The following ADGRF3 variants were observed in gnomAD, a reference collection of about 807,000 sequenced individuals.
The protein encoded by ADGRF3 is G protein-coupled receptor 113.
A neutral mutation model predicts 93.2 loss-of-function variants in ADGRF3; 85 were observed. The observed-to-expected ratio is 0.91, with a 90% CI of 0.77 to 1.09. The LOEUF (loss-of-function observed/expected upper bound fraction) is 1.09. Ranked by LOEUF, ADGRF3 falls within the 50% of genes least tolerant of loss-of-function variation. The probability of loss-of-function intolerance (pLI) is 0.00; values close to 1 mark genes in which losing one functional copy is unlikely to be tolerated. For synonymous variants in ADGRF3, 534 were observed against 532.5 expected (o/e 1.00, Z -0.04); for missense variants, 1,125 against 1,246.2 (o/e 0.90, Z 1.46).
chr2:26,316,337 TG>T lies in ADGRF3; in HGVS notation c.436del (p.Gln146SerfsTer28). ...GCTGAAGACAAGGCAGCCACAAGGC[TG>T]GTGGTTGTGGAGGCTTTGACAAGGA... ...YPPCQSLHNH[Q>X]PCGCLVFSHP... is the part of the protein sequence containing the mutation. On this transcript the variant is annotated frameshift_variant, in exon 4 of 14. Coordinates refer to ENST00000651242, the MANE Select transcript of ADGRF3 (RefSeq NM_001321971.2). LOFTEE classifies it high-confidence loss of function. The T allele has an allele frequency of 6.4e-7, 1 of 1,551,954 alleles. No homozygotes were observed. Among genetic ancestry groups the T allele is most frequent in the East Asian group, 2.4e-5 (1 of 40,934 alleles).
In ADGRF3 at chr2:26,313,505, C is replaced by T. The variant is rs1674377774; in HGVS notation, c.1141G>A (p.Ala381Thr). 6.2e-7 allele frequency: 1 copy of T among 1,611,606 alleles called. No individual in the cohort carries two copies. Among genetic ancestry groups the T allele is most frequent in the East Asian group, 2.2e-5 (1 of 44,818 alleles). The change falls in exon 8 of 14, where the codon GCA (alanine) becomes ACA (threonine). Residue 381 changes from alanine to threonine, a missense_variant. Coordinates refer to ENST00000651242, the MANE Select transcript of ADGRF3 (RefSeq NM_001321971.2). ...TWNVTKAGHVAQAPCPESKRG... is the reference protein window; with the variant it reads ...TWNVTKAGHVTQAPCPESKRG... Reference sequence around the variant, plus strand: ...TTGCTCTCAGGACATGGGGCCTGTGCCACGTGGCCAGCCTTGGTGACATTC... The same window carrying T: ...TTGCTCTCAGGACATGGGGCCTGTGTCACGTGGCCAGCCTTGGTGACATTC...
At chr2:26,340,384 T>A (rs931047292) in intron 1 of ADGRF3, 3 of 150,692 alleles carry the variant, frequency 2.0e-5, no homozygotes, top group Admixed American at 1.3e-4. Flanking sequence ...CCACTTAGGA[T>A]TTTTTTTTTC....
rs781704675 is a variant in ADGRF3, at chr2:26,314,594, C to T, written c.748G>A (p.Gly250Ser). 3.7e-6 allele frequency: 6 copies of T among 1,614,034 alleles called. No individual in the cohort carries two copies. The East Asian group carries it at 1.3e-4, about 36-fold the overall frequency. The change falls in exon 6 of 14, where the codon GGC becomes AGC. Residue 250 changes from glycine (G) to serine (S), a missense_variant. Coordinates refer to ENST00000651242, the MANE Select transcript of ADGRF3 (RefSeq NM_001321971.2). ...ACCTCATACAGGTTCCACTTGAAGC[C>T]CTGGGCCTCGAAGCAGCTCATGTAC... ...GEYMSCFEAQ[G>S]FKWNLYEVVR...
chr2:26,314,586 C>T lies in ADGRF3; in HGVS notation c.756G>A (p.Lys252=), dbSNP rs1373057137. ...YMSCFEAQGF[K]WNLYEVVRVP... Reference sequence around the variant, plus strand: ...CCCTCACCACCTCATACAGGTTCCACTTGAAGCCCTGGGCCTCGAAGCAGC... The same window carrying T: ...CCCTCACCACCTCATACAGGTTCCATTTGAAGCCCTGGGCCTCGAAGCAGC... The change falls in exon 6 of 14, where the codon AAG becomes AAA. Residue 252 remains lysine (K), a synonymous_variant. Coordinates refer to ENST00000651242, the MANE Select transcript of ADGRF3 (RefSeq NM_001321971.2). 1.9e-6 allele frequency: 3 copies of T among 1,614,064 alleles called. No individual in the cohort carries two copies. The highest frequency in any genetic ancestry group is 1.7e-5 in the Admixed American group (1 of 60,034).
rs1673997548 is a variant in ADGRF3, at chr2:26,310,681, C to T, written c.2832+11G>A. On this transcript the variant is annotated intron_variant, in intron 10 of 13. Transcript: ENST00000651242. ...AAAAGCAAAAAACACAGCCACCCCC[C>T]TATCACCTACCTGGAGGGTGTTGAG... 2 of 1,605,048 alleles carry T rather than the reference C, an allele frequency of 1.2e-6. No individual in the cohort carries two copies. Among genetic ancestry groups the T allele is most frequent in the African/African-American group, 2.7e-5 (2 of 74,852 alleles).
intron 4 of ADGRF3, 107 bp from the exon 5 acceptor site, chr2:26,315,847 C>G: frequency 7.6e-6 from 11 of 1,454,892 alleles, no homozygotes; most frequent in Non-Finnish European, 1.0e-5. Context: ...CCTCCACACT[C>G]CCTCCCTAGC....
intron 1 of ADGRF3, among the ~76,000 whole-genome samples, chr2:26,344,830 G>C (rs1393526215): frequency 6.6e-6 from 1 of 152,136 alleles, no homozygotes; most frequent in Non-Finnish European, 1.5e-5. Flanking sequence ...CTGTCTCAGG[G>C]GGCGGGGAGA....
rs1214683506 is a variant in ADGRF3 at position 26,346,135 on chromosome 2, C to T, written c.100G>A (p.Gly34Arg). 3 of 1,598,290 alleles carry T rather than the reference C, an allele frequency of 1.9e-6. No homozygotes were observed. In the African/African-American group the frequency reaches 4.0e-5, roughly 21 times the overall value. The change falls in exon 1 of 14, where the codon GGG becomes AGG. Residue 34 changes from glycine to arginine, a missense_variant. Coordinates refer to ENST00000651242, the MANE Select transcript of ADGRF3 (RefSeq NM_001321971.2). Reference protein sequence around the residue: ...HTGWARMAKTGLPEKGQSQAG... With the variant: ...HTGWARMAKTRLPEKGQSQAG... ...GGCTCTCCTACCTTCTCGGGCAGCC[C>T]AGTCTTTGCCATCCTTGCCCAGCCG...
chr2:26,321,368 T>C lies in ADGRF3; in HGVS notation c.115-3806A>G, dbSNP rs74984641. 6.6e-3 allele frequency among the ~76,000 whole-genome samples: 1,011 copies of C among 152,290 alleles called. 2 individuals are homozygous for C. Among genetic ancestry groups the C allele is most frequent in the Middle Eastern group, 0.024 (7 of 294 alleles). On this transcript the variant is annotated intron_variant, in intron 1 of 13. Coordinates refer to ENST00000651242, the MANE Select transcript of ADGRF3 (RefSeq NM_001321971.2). ...CTATTAGCATGCTGTGTGCTGTCTG[T>C]TGCAGCTATAGGCAGTCTCAGATGG...
Position 26,328,688 on chromosome 2 carries a change from G to A in ADGRF3, c.115-11126C>T, listed in dbSNP as rs189306502. ...AAGATGGTCTCGATTTCCTGACCTC[G>A]TGATCCGCCCGCCTCAGCCTCCCAA... On this transcript the variant is annotated intron_variant, in intron 1 of 13. Transcript: ENST00000651242. Among the ~76,000 whole-genome samples, 944 of 152,234 alleles carry A rather than the reference G, an allele frequency of 6.2e-3. 8 individuals carry two copies. The highest frequency in any genetic ancestry group is 0.044 in the South Asian group (214 of 4,818).
intron 1 of ADGRF3, 111 bp downstream of exon 1, chr2:26,346,003 GCTAGCAA>G (rs1367664280): frequency 3.0e-5 from 33 of 1,091,146 alleles, no homozygotes; most frequent in Non-Finnish European, 4.3e-5. Context: ...GCTCGAGCGG[GCTAGCAA>G]CCCCCCCTCG....
intron 10 of ADGRF3, 51 bp downstream of exon 10, chr2:26,310,641 A>C (rs368957515): frequency 7.1e-6 from 11 of 1,539,404 alleles, no homozygotes; most frequent in Non-Finnish European, 9.7e-6. Flanking sequence ...ATCGGCAGTG[A>C]CTTAGACCAT....
At chr2:26,323,977 C>T (rs1187461402) in intron 1 of ADGRF3, among the ~76,000 whole-genome samples, 1 of 151,656 alleles carries the variant, frequency 6.6e-6, no homozygotes, top group Non-Finnish European at 1.5e-5. Flanking sequence ...TGTGGTGGCT[C>T]ATGCCTGTAA....
chr2:26,342,584 G>A (rs1023256702), intron 1 of ADGRF3, among the ~76,000 whole-genome samples: 5 of 152,136 alleles, frequency 3.3e-5, no homozygotes, highest in South Asian at 2.1e-4. Flanking sequence ...TTTCTAGCAC[G>A]AATTGATATT....
intron 9 of ADGRF3, 141 bp from the exon 10 acceptor site, chr2:26,312,215 ACAGG>A: frequency 1.2e-6 from 1 of 861,316 alleles, no homozygotes; most frequent in Admixed American, 2.6e-5. Context: ...GGAGAGGAAG[ACAGG>A]CCTGTGAAGG....
chr2:26,316,428 C>T lies in ADGRF3; in HGVS notation c.346G>A (p.Gly116Arg). 1 of 1,551,648 alleles carries T rather than the reference C, an allele frequency of 6.4e-7. No individual in the cohort carries two copies. Among genetic ancestry groups the T allele is most frequent in the Non-Finnish European group, 8.7e-7 (1 of 1,146,962 alleles). ...LTTECNVNHK[G>R]NFYCACLSGY... ...GAGAGGCAAGCACAATAGAAATTCC[C>T]CTTGTGGTTGACATTACACTCTGAC... is the stretch of plus-strand genomic sequence containing the variant. Residue 116 changes from glycine (G) to arginine (R), a missense_variant, in exon 4 of 14, where the codon GGG becomes AGG. Gly to Arg is a moderately radical substitution (Grantham distance 125). Transcript: ENST00000651242.
intron 9 of ADGRF3, among the ~76,000 whole-genome samples, chr2:26,312,480 CTG>C (rs1674260369): frequency 6.6e-6 from 1 of 152,208 alleles, no homozygotes; most frequent in South Asian, 2.1e-4. Flanking sequence ...ACACGCATGT[CTG>C]TGCATTCACA....
chr2:26,333,662 G>A (rs941879756), intron 1 of ADGRF3, among the ~76,000 whole-genome samples: 31 of 152,160 alleles, frequency 2.0e-4, no homozygotes, highest in South Asian at 8.3e-4. Flanking sequence ...GTGGCAACCA[G>A]TGGTTATGGG....
At chr2:26,312,114 G>A (rs769076297) in intron 9 of ADGRF3, 40 bp from the exon 10 acceptor site, 23 of 1,559,254 alleles carry the variant, frequency 1.5e-5, no homozygotes, top group African/African-American at 6.8e-5. Context: ...GTCTGCTGGC[G>A]CCCACAGGAC....
Sources: gnomAD v4.1 joint callset for allele counts (sites outside exome capture counted in the v4.1 genomes callset) on GRCh38, gnomAD v4.1.1 for gene constraint, MANE v1.5 for transcripts, NCBI Gene and HGNC (gene_info 2026-07-23, HGNC 2026-07-21) for gene names.